The following CDK5RAP2 variants were observed in gnomAD, a reference collection of about 807,000 sequenced individuals.
CDK5RAP2 encodes CDK5 regulatory subunit-associated protein 2.
Under a neutral mutation model 232.9 loss-of-function variants are expected in CDK5RAP2, and 147 were observed. The ratio of observed to expected loss-of-function variants is 0.63; its 90% CI spans 0.55 to 0.72. The LOEUF (loss-of-function observed/expected upper bound fraction) is 0.72. Among genes scored for constraint, CDK5RAP2 ranks in the 30% least tolerant of loss-of-function variants. The pLI, the probability that CDK5RAP2 is intolerant of heterozygous loss-of-function variation, is 0.00. For missense variants in CDK5RAP2, 2,195 were observed against 2,231.5 expected (o/e 0.98, Z 0.33); for synonymous variants, 833 against 833.7 (o/e 1.00, Z 0.01).
At chr9:120,436,165 G>GA (rs1420737827) in intron 25 of CDK5RAP2, among the ~76,000 whole-genome samples, 4 of 152,160 alleles carry the variant, frequency 2.6e-5, no homozygotes, top group African/African-American at 9.7e-5. Context: ...GCCTCCTTAA[G>GA]AAAACACCAT....
intron 32 of CDK5RAP2, among the ~76,000 whole-genome samples, chr9:120,404,315 C>A (rs906714354): frequency 1.3e-5 from 2 of 152,202 alleles, no homozygotes; most frequent in East Asian, 3.8e-4. Context: ...CCAGTCCATT[C>A]CCTAGAAAAA....
chr9:120,505,257 G>GT (rs1263539687), intron 12 of CDK5RAP2, among the ~76,000 whole-genome samples: 1 of 152,126 alleles, frequency 6.6e-6, no homozygotes, highest in Non-Finnish European at 1.5e-5. Context: ...ATTAGTATCT[G>GT]TTATGGTGAT....
chr9:120,480,179 G>C (rs1332277961), intron 14 of CDK5RAP2, among the ~76,000 whole-genome samples: 2 of 152,132 alleles, frequency 1.3e-5, no homozygotes, highest in African/African-American at 2.4e-5. Flanking sequence ...AAGAAATTGG[G>C]GCTGCAAACA....
intron 27 of CDK5RAP2, among the ~76,000 whole-genome samples, chr9:120,418,148 A>G (rs2034348155): frequency 6.6e-6 from 1 of 152,234 alleles, no homozygotes; most frequent in Admixed American, 6.5e-5. Flanking sequence ...AAGGCTGAAG[A>G]CACACCAAAA....
Position 120,527,800 on chromosome 9 carries a change from A to G in CDK5RAP2, c.999+6T>C. 2 of 1,613,086 alleles carry G rather than the reference A, an allele frequency of 1.2e-6. No homozygotes were observed. Among genetic ancestry groups the G allele is most frequent in the Non-Finnish European group, 1.7e-6 (2 of 1,179,918 alleles). On this transcript the variant is annotated splice_donor_region_variant and intron_variant, in intron 10 of 37. Coordinates refer to ENST00000349780, the MANE Select transcript of CDK5RAP2 (RefSeq NM_018249.6). ...AAAAATCTTACTTCAAGTGTATCAG[A>G]CATACCTTTTTTTCCTTTGATTTTA...
chr9:120,462,025 T>C (rs2037119546), intron 18 of CDK5RAP2, among the ~76,000 whole-genome samples: 1 of 152,232 alleles, frequency 6.6e-6, no homozygotes, highest in Non-Finnish European at 1.5e-5. Flanking sequence ...GTTTTTCCTT[T>C]CAGAGGAACA....
chr9:120,402,840 G>A lies in CDK5RAP2; in HGVS notation c.5273C>T (p.Ala1758Val), dbSNP rs1250689549. ...CAGCTCTTGACTTGTGGAGCTGGGA[G>A]CCTCTTGGGTTTGAATGTCCATTTC... is the stretch of plus-strand genomic sequence containing the variant. ...LAEMDIQTQE[A>V]PSSTSQELGT... The change falls in exon 34 of 38, where the codon GCT (alanine) becomes GTT (valine). Residue 1758 changes from alanine to valine, a missense_variant. Coordinates refer to ENST00000349780, the MANE Select transcript of CDK5RAP2 (RefSeq NM_018249.6). 6 of 1,614,140 alleles carry A rather than the reference G, an allele frequency of 3.7e-6. No individual in the cohort carries two copies. The highest frequency in any genetic ancestry group is 5.1e-6 in the Non-Finnish European group (6 of 1,180,024).
At chr9:120,566,603 T>C (rs924868525) in intron 3 of CDK5RAP2, among the ~76,000 whole-genome samples, 5 of 152,248 alleles carry the variant, frequency 3.3e-5, no homozygotes, top group Non-Finnish European at 7.3e-5. Flanking sequence ...ATGTACTCTG[T>C]GCTTTGCAAA....
At chr9:120,390,355 GCCTGC>G (rs1485382639) in intron 36 of CDK5RAP2, 1 of 159,242 alleles carries the variant, frequency 6.3e-6, no homozygotes, top group African/African-American at 2.4e-5. Flanking sequence ...CTTCTCCTTT[GCCTGC>G]CCTTTAGCTG....
intron 5 of CDK5RAP2, among the ~76,000 whole-genome samples, chr9:120,543,567 T>A (rs935487774): frequency 1.6e-4 from 24 of 152,044 alleles, no homozygotes; most frequent in African/African-American, 5.8e-4. Flanking sequence ...ATATATTCAC[T>A]CCCCTACCTG....
intron 35 of CDK5RAP2, among the ~76,000 whole-genome samples, chr9:120,394,922 TGCCCCA>T (rs2032329320): frequency 6.6e-6 from 1 of 152,176 alleles, no homozygotes; most frequent in South Asian, 2.1e-4. Context: ...CTTAACTCTT[TGCCCCA>T]GCAATTCTAC....
At position 120,419,910 on chromosome 9, in the gene CDK5RAP2, T is replaced by C. The variant is rs587783388; in HGVS notation, c.4055A>G (p.Glu1352Gly). ...AGAGAGCGCATGAGAGGCTGAAGGCTCAGGAGATTCAGGCAGAAGATGTTG... is the reference window on the plus strand; with the variant it reads ...AGAGAGCGCATGAGAGGCTGAAGGCCCAGGAGATTCAGGCAGAAGATGTTG... ...TYQHLLPESP[E>G]PSASHALSDY... is the part of the protein sequence containing the mutation. Residue 1352 changes from glutamate (E) to glycine (G), a missense_variant, in exon 27 of 38, where the codon GAG becomes GGG. Physicochemically the swap from Glu to Gly is moderately conservative, Grantham distance 98 (BLOSUM62 -2). Transcript: ENST00000349780. 6.2e-7 allele frequency: 1 copy of C among 1,613,992 alleles called. No individual in the cohort carries two copies. The highest frequency in any genetic ancestry group is 8.5e-7 in the Non-Finnish European group (1 of 1,179,834).
At chr9:120,518,729 T>TG in intron 11 of CDK5RAP2, 84 bp from the exon 12 acceptor site, 1 of 1,067,596 alleles carries the variant, frequency 9.4e-7, no homozygotes, top group Non-Finnish European at 1.4e-6. Flanking sequence ...TTTTTCGCCG[T>TG]GGGGGAAAAA....
chr9:120,409,041 AGGCCTGC>A, intron 30 of CDK5RAP2, 79 bp downstream of exon 30: 1 of 1,268,688 alleles, frequency 7.9e-7, no homozygotes, highest in Middle Eastern at 2.6e-4. Flanking sequence ...ACTAAGGCAG[AGGCCTGC>A]GTGCTGATTC....
At chr9:120,532,565 CTGACCT>C (rs1350311513) in intron 7 of CDK5RAP2, 2 of 152,382 alleles carry the variant, frequency 1.3e-5, no homozygotes, top group Non-Finnish European at 2.9e-5. Flanking sequence ...TGCTAACCAT[CTGACCT>C]TGACTTAGCT....
At chr9:120,570,037 AG>A (rs2042792978) in intron 2 of CDK5RAP2, among the ~76,000 whole-genome samples, 1 of 152,154 alleles carries the variant, frequency 6.6e-6, no homozygotes, top group African/African-American at 2.4e-5. Context: ...AAGGGTGGTG[AG>A]CTTTGAGCTG....
chr9:120,430,466 C>A lies in CDK5RAP2; in HGVS notation c.3955+6829G>T, dbSNP rs1178888467. On this transcript the variant is annotated intron_variant, in intron 25 of 37. Coordinates refer to ENST00000349780, the MANE Select transcript of CDK5RAP2 (RefSeq NM_018249.6). ...AGTGGGCGAAGGATATGAACAGACA[C>A]TTCTCAAAAGAAGACATTTATGCAG... Among the ~76,000 whole-genome samples, 32 of 150,698 alleles carry A rather than the reference C, an allele frequency of 2.1e-4. 1 individual carries two copies. Among genetic ancestry groups the A allele is most frequent in the Admixed American group, 2.0e-3 (30 of 15,168 alleles).
intron 12 of CDK5RAP2, among the ~76,000 whole-genome samples, chr9:120,500,094 T>G (rs2039505701): frequency 6.6e-6 from 1 of 152,232 alleles, no homozygotes; most frequent in Admixed American, 6.5e-5. Flanking sequence ...TTGGCTCTGC[T>G]CATCCTTTTA....
At chr9:120,521,644 C>CTTTT (rs71266575) in intron 11 of CDK5RAP2, among the ~76,000 whole-genome samples, 18 of 125,732 alleles carry the variant, frequency 1.4e-4, no homozygotes, top group Non-Finnish European at 2.0e-4. Flanking sequence ...ACCTCTTTTT[C>CTTTT]TTTTTTTTTT....
Sources: allele counts gnomAD v4.1 joint callset (sites outside exome capture counted in the v4.1 genomes callset), GRCh38; gene constraint gnomAD v4.1.1; transcripts MANE v1.5; gene names NCBI Gene and HGNC (gene_info 2026-07-23, HGNC 2026-07-21).